SCUBE1: variants seen among roughly 807,000 people sequenced by gnomAD.
SCUBE1 encodes signal peptide, CUB and EGF-like domain-containing protein 1.
Under a neutral mutation model 124.4 loss-of-function variants are expected in SCUBE1, and 59 were observed. The observed-to-expected ratio is 0.47, with a 90% CI of 0.38 to 0.59. The LOEUF is 0.59. Among genes scored for constraint, SCUBE1 ranks in the 20% least tolerant of loss-of-function variants. The probability of loss-of-function intolerance (pLI) is 0.00; values close to 1 mark genes in which losing one functional copy is unlikely to be tolerated. For synonymous variants in SCUBE1, 545 were observed against 550.9 expected (o/e 0.99, Z 0.15); for missense variants, 1,150 against 1,371.2 (o/e 0.84, Z 2.55).
intron 3 of SCUBE1, among the ~76,000 whole-genome samples, chr22:43,303,778 T>C (rs1450563670): frequency 6.6e-6 from 1 of 152,234 alleles, no homozygotes; most frequent in East Asian, 1.9e-4. Flanking sequence ...TGAGAAACAG[T>C]GGAAAAGCTG....
Position 43,214,243 on chromosome 22 carries a change from C to T in SCUBE1, c.1900G>A (p.Gly634Arg), listed in dbSNP as rs768541180. Reference protein sequence around the residue: ...VLQDSKCVACGPGTHFGGELG... With the variant: ...VLQDSKCVACRPGTHFGGELG... ...TCACCACCGAAGTGGGTGCCAGGCC[C>T]ACAGGCAACTGCAGAGGCAAAGCGG... The change falls in exon 16 of 22, where the codon GGG (glycine) becomes AGG (arginine). Residue 634 changes from glycine to arginine, a missense_variant. Physicochemically the swap from Gly to Arg is moderately radical, Grantham distance 125. Around this residue, in one of 3 missense-constraint regions of SCUBE1, gnomAD observed 757 missense variants for 840.9 expected, o/e 0.90. Coordinates refer to ENST00000360835, the MANE Select transcript of SCUBE1 (RefSeq NM_173050.5). The T allele has an allele frequency of 1.2e-5, 19 of 1,611,798 alleles. No homozygotes were observed. Among genetic ancestry groups the T allele is most frequent in the Admixed American group, 1.2e-4 (7 of 59,928 alleles).
rs150124716 is a variant in SCUBE1 at position 43,308,245 on chromosome 22, G to A, written c.349+11692C>T. The stretch of plus-strand genomic sequence containing the variant: ...GCTGTAGAAGGCGGAGAGGAGAGGC[G>A]GGCCTGGATCTGTCTTGTACTCTGA... On this transcript the variant is annotated intron_variant, in intron 3 of 21. Coordinates refer to ENST00000360835, the MANE Select transcript of SCUBE1 (RefSeq NM_173050.5). Among the ~76,000 whole-genome samples the A allele has an allele frequency of 4.2e-4, 64 of 152,268 alleles. No homozygotes were observed. In the East Asian group the frequency reaches 9.5e-3, roughly 22 times the overall value.
chr22:43,301,019 C>T (rs1019180898), intron 3 of SCUBE1, among the ~76,000 whole-genome samples: 4 of 152,160 alleles, frequency 2.6e-5, no homozygotes, highest in African/African-American at 9.7e-5. Flanking sequence ...CTCAGTCTGC[C>T]CTCAGCCTTC....
intron 6 of SCUBE1, among the ~76,000 whole-genome samples, chr22:43,252,410 G>T (rs1242204870): frequency 6.6e-6 from 1 of 152,354 alleles, no homozygotes; most frequent in African/African-American, 2.4e-5. Flanking sequence ...TGCAGGTTCT[G>T]CCAGGGGACG....
In SCUBE1 at chr22:43,210,959, T is replaced by A. The variant is rs1184307014; in HGVS notation, c.2346A>T (p.Thr782=). 3 of 1,613,980 alleles carry A rather than the reference T, an allele frequency of 1.9e-6. No homozygotes were observed. Among genetic ancestry groups the A allele is most frequent in the Non-Finnish European group, 2.5e-6 (3 of 1,180,012 alleles). Residue 782 remains threonine, a synonymous_variant, in exon 18 of 22, where the codon ACA becomes ACT. Coordinates refer to ENST00000360835, the MANE Select transcript of SCUBE1 (RefSeq NM_173050.5). The surrounding 1 kb of genome is among the most constrained non-coding windows in gnomAD (Gnocchi z 4.5). The part of the protein sequence containing the change: ...HCITCPGNTS[T]DFDGSTNVTH... The stretch of plus-strand genomic sequence containing the variant: ...TGACGTTGGTGGAGCCATCGAAGTC[T>A]GTGCTGGTGTTGCCCGGACAGGTGA...
chr22:43,268,686 C>T (rs531956002), intron 4 of SCUBE1, among the ~76,000 whole-genome samples: 8 of 152,382 alleles, frequency 5.2e-5, no homozygotes, highest in African/African-American at 1.7e-4. Flanking sequence ...GTAGCGCCTG[C>T]TTCCCAGAGT....
intron 6 of SCUBE1, 195 bp from the exon 7 acceptor site, chr22:43,239,149 G>A: frequency 1.7e-6 from 1 of 598,218 alleles, no homozygotes; most frequent in Non-Finnish European, 3.0e-6. Context: ...TCTGTGAAAT[G>A]GGGGAATGAC....
chr22:43,331,567 G>A (rs1049758296), intron 2 of SCUBE1, among the ~76,000 whole-genome samples: 5 of 152,188 alleles, frequency 3.3e-5, no homozygotes, highest in African/African-American at 1.2e-4. Context: ...CCATTTGAGG[G>A]CGGTTTGCTC....
At position 43,201,107 on chromosome 22, in the gene SCUBE1, T is replaced by C. The variant is rs1215571223; in HGVS notation, c.*2890A>G. 1 of 151,534 alleles carries C rather than the reference T, an allele frequency of 6.6e-6. No individual in the cohort carries two copies. Among genetic ancestry groups the C allele is most frequent in the Non-Finnish European group, 1.5e-5 (1 of 67,876 alleles). 9.4% of individuals were successfully genotyped at this position (151,534 alleles called of 1,614,324 possible). ...TCACGAGGTCAGGAGATCGAGACCA[T>C]CCTGGCTAATATGGTGAAACCCTGT... On this transcript the variant is annotated 3_prime_UTR_variant, in exon 22 of 22. Coordinates refer to ENST00000360835, the MANE Select transcript of SCUBE1 (RefSeq NM_173050.5).
chr22:43,233,270 A>T (rs992083079), intron 7 of SCUBE1, among the ~76,000 whole-genome samples: 3 of 152,242 alleles, frequency 2.0e-5, no homozygotes, highest in Admixed American at 6.5e-5. Flanking sequence ...AAGCTGAGGC[A>T]GGAGAATCGC....
intron 14 of SCUBE1, among the ~76,000 whole-genome samples, chr22:43,219,232 C>T (rs1921972920): frequency 6.6e-6 from 1 of 152,102 alleles, no homozygotes; most frequent in Non-Finnish European, 1.5e-5. Context: ...CTACTAGTCG[C>T]CACGAGATGT....
At chr22:43,320,196 G>C in intron 2 of SCUBE1, 131 bp from the exon 3 acceptor site, 4 of 1,112,642 alleles carry the variant, frequency 3.6e-6, no homozygotes, top group Non-Finnish European at 5.2e-6. Context: ...TCCTCCCTGG[G>C]AGCTGAGGAC....
chr22:43,234,031 G>A lies in SCUBE1; in HGVS notation c.845-2156C>T, dbSNP rs929234786. Reference sequence around the variant, plus strand: ...AGCCGGCTCTCAGCCAGCACCATCCGAACCCAAAGACGGGCCTGCTGCAGC... The same window carrying A: ...AGCCGGCTCTCAGCCAGCACCATCCAAACCCAAAGACGGGCCTGCTGCAGC... On this transcript the variant is annotated intron_variant, in intron 7 of 21. Coordinates refer to ENST00000360835, the MANE Select transcript of SCUBE1 (RefSeq NM_173050.5). This position sits in a 1 kb window ranked among gnomAD's most constrained non-coding sequence, Gnocchi z 4.4. 6.6e-6 allele frequency among the ~76,000 whole-genome samples: 1 copy of A among 151,910 alleles called. No homozygotes were observed. Among genetic ancestry groups the A allele is most frequent in the Non-Finnish European group, 1.5e-5 (1 of 67,980 alleles).
intron 3 of SCUBE1, among the ~76,000 whole-genome samples, chr22:43,310,789 G>C (rs767250142): frequency 1.6e-4 from 24 of 152,124 alleles, no homozygotes; most frequent in South Asian, 4.1e-4. Context: ...ACTTTTTTTA[G>C]TTTTACTGAG....
intron 2 of SCUBE1, among the ~76,000 whole-genome samples, chr22:43,331,735 C>T (rs1378305594): frequency 6.6e-6 from 1 of 152,126 alleles, no homozygotes. Flanking sequence ...GGGTGAAATG[C>T]CCCTTCCTCA....
At chr22:43,263,063 C>T (rs1923932874) in intron 4 of SCUBE1, among the ~76,000 whole-genome samples, 3 of 152,250 alleles carry the variant, frequency 2.0e-5, no homozygotes, top group African/African-American at 7.2e-5. Flanking sequence ...GGCACGGTGC[C>T]TGGGTCTAGA....
chr22:43,204,875 C>T (rs571403989), intron 21 of SCUBE1, among the ~76,000 whole-genome samples: 10 of 147,638 alleles, frequency 6.8e-5, no homozygotes, highest in African/African-American at 1.3e-4. Flanking sequence ...AACCGGGAGG[C>T]GGAGGTTGCA....
chr22:43,220,845 G>A (rs1015069699), intron 13 of SCUBE1, among the ~76,000 whole-genome samples: 16 of 152,190 alleles, frequency 1.1e-4, no homozygotes, highest in African/African-American at 3.4e-4. Context: ...TGTGCCCCCA[G>A]CTCTGGGCCT....
chr22:43,215,046 G>A (rs1438705350), intron 15 of SCUBE1, among the ~76,000 whole-genome samples: 2 of 152,198 alleles, frequency 1.3e-5, no homozygotes, highest in Non-Finnish European at 1.5e-5. Context: ...AGTTCTGTCC[G>A]ATGAGAGGGC....
Sources: gnomAD v4.1 joint callset for allele counts (sites outside exome capture counted in the v4.1 genomes callset) on GRCh38, gnomAD v4.1.1 for gene constraint, gnomAD v4.1.1 regional missense constraint, Gnocchi (gnomAD v3.1) non-coding constraint, MANE v1.5 for transcripts, NCBI Gene and HGNC (gene_info 2026-07-23, HGNC 2026-07-21) for gene names.